CD101: variants seen among roughly 807,000 people sequenced by gnomAD.
CD101 encodes the protein CD101 molecule.
Under a neutral mutation model 98.2 loss-of-function variants are expected in CD101, and 76 were observed. That is an observed-to-expected ratio of 0.77 (90% CI 0.64 to 0.94). The LOEUF (loss-of-function observed/expected upper bound fraction) is 0.94. Ranked by LOEUF, CD101 falls within the 40% of genes least tolerant of loss-of-function variation. CD101 has a pLI of 0.00. For missense variants in CD101, 1,145 were observed against 1,218.8 expected, an observed-to-expected ratio of 0.94 and a Z score of 0.90; for synonymous variants, 471 against 472.7, an observed-to-expected ratio of 1.00 and a Z score of 0.05.
chr1:117,022,390 A>G lies in CD101; in HGVS notation c.2428+407A>G, dbSNP rs1315015882. On this transcript the variant is annotated intron_variant, in intron 7 of 9. Transcript: ENST00000682167. This position sits in a 1 kb window ranked among gnomAD's most constrained non-coding sequence, Gnocchi z 4.8. ...CTGTGAACAGAAACTGTACAACTCTATGGGGATGTGTGGAGAAATTGCTTC... is the reference window on the plus strand; with the variant it reads ...CTGTGAACAGAAACTGTACAACTCTGTGGGGATGTGTGGAGAAATTGCTTC... Among the ~76,000 whole-genome samples, 1 of 152,176 alleles carries G rather than the reference A, an allele frequency of 6.6e-6. No homozygotes were observed. Among genetic ancestry groups the G allele is most frequent in the African/African-American group, 2.4e-5 (1 of 41,448 alleles).
chr1:117,022,011 T>C lies in CD101; in HGVS notation c.2428+28T>C. ...AAACCTTGCGAGTGTATCCTCACAA[T>C]GTCTGTCTGTCTGACGGCTGTTTTC... On this transcript the variant is annotated intron_variant, in intron 7 of 9. Coordinates refer to ENST00000682167, the MANE Select transcript of CD101 (RefSeq NM_001256106.3). This position sits in a 1 kb window ranked among gnomAD's most constrained non-coding sequence, Gnocchi z 4.8. The C allele has an allele frequency of 1.3e-6, 2 of 1,563,022 alleles. No individual in the cohort carries two copies. The highest frequency in any genetic ancestry group is 1.2e-5 in the South Asian group (1 of 81,390).
chr1:117,030,431 G>GAAAGAAAGAA (rs1166757267), intron 8 of CD101, among the ~76,000 whole-genome samples: 2 of 149,540 alleles, frequency 1.3e-5, no homozygotes, highest in Non-Finnish European at 3.0e-5. Context: ...AAGAGACAGA[G>GAAAGAAAGAA]AAAGAAAGAA....
At position 117,017,560 on chromosome 1, in the gene CD101, C is replaced by T. The variant is rs1653314930; in HGVS notation, c.1612+87C>T. 2.8e-5 allele frequency: 38 copies of T among 1,361,162 alleles called. No homozygotes were observed. The South Asian group carries it at 5.0e-4, about 18-fold the overall frequency. The allele number at this position is 1,361,162 out of a possible 1,614,324, so 84.3% of individuals were successfully genotyped here. ...ACTGGATTGCGTGTTATCCTGAATC[C>T]CCCAGTGATGGTATGTGTACCCTAG... On this transcript the variant is annotated intron_variant, in intron 5 of 9. Coordinates refer to ENST00000682167, the MANE Select transcript of CD101 (RefSeq NM_001256106.3).
Position 117,018,080 on chromosome 1 carries a change from C to T in CD101, c.1613-76C>T. 1 of 1,285,390 alleles carries T rather than the reference C, an allele frequency of 7.8e-7. No individual in the cohort carries two copies. The highest frequency in any genetic ancestry group is 1.1e-6 in the Non-Finnish European group (1 of 945,658). The allele number at this position is 1,285,390 out of a possible 1,614,324, so 79.6% of individuals were successfully genotyped here. On this transcript the variant is annotated intron_variant, in intron 5 of 9. Transcript: ENST00000682167. The surrounding 1 kb of genome is among the most constrained non-coding windows in gnomAD (Gnocchi z 4.3). ...TGCATGGTCCTAGTCAAAGAGGTGG[C>T]AACTAGAAAAACTTGAAAGTGCTAT... is the stretch of plus-strand genomic sequence containing the variant.
Position 117,018,626 on chromosome 1 carries a change from T to C in CD101, c.2017+66T>C. ...CAAATAGCAATCCTCCCATTTTGGG[T>C]AAGTTATAACAATAAAACATAAAAT... On this transcript the variant is annotated intron_variant, in intron 6 of 9. Transcript: ENST00000682167. The surrounding 1 kb of genome is among the most constrained non-coding windows in gnomAD (Gnocchi z 4.3). The C allele has an allele frequency of 6.9e-7, 1 of 1,444,718 alleles. No individual in the cohort carries two copies. Among genetic ancestry groups the C allele is most frequent in the Non-Finnish European group, 9.4e-7 (1 of 1,068,540 alleles). The allele number at this position is 1,444,718 out of a possible 1,614,324, so 89.5% of individuals were successfully genotyped here.
chr1:117,010,246 A>G lies in CD101; in HGVS notation c.424+16A>G, dbSNP rs757320654. 2.6e-5 allele frequency: 41 copies of G among 1,592,384 alleles called. No individual in the cohort carries two copies. Among genetic ancestry groups the G allele is most frequent in the Non-Finnish European group, 3.4e-5 (40 of 1,166,146 alleles). Reference sequence around the variant, plus strand: ...AATCTAATTGGTAAGTTGCTTGTCCACTTCTGCTAGCCAGCCCCTGAGAAG... The same window carrying G: ...AATCTAATTGGTAAGTTGCTTGTCCGCTTCTGCTAGCCAGCCCCTGAGAAG... On this transcript the variant is annotated intron_variant, in intron 2 of 9. Coordinates refer to ENST00000682167, the MANE Select transcript of CD101 (RefSeq NM_001256106.3). This position sits in a 1 kb window ranked among gnomAD's most constrained non-coding sequence, Gnocchi z 5.2.
chr1:117,017,408 A>T lies in CD101; in HGVS notation c.1547A>T (p.Lys516Met). ...SGTYECRVSE[K>M]SRNQARDLSW... ...ACATATGAGTGCAGAGTATCTGAGA[A>T]GTCTCGGAACCAGGCCAGAGATCTG... Residue 516 changes from lysine to methionine, a missense_variant, in exon 5 of 10, where the codon AAG becomes ATG. Physicochemically the swap from Lys to Met is moderately conservative, Grantham distance 95. Coordinates refer to ENST00000682167, the MANE Select transcript of CD101 (RefSeq NM_001256106.3). 1 of 1,614,230 alleles carries T rather than the reference A, an allele frequency of 6.2e-7. No homozygotes were observed. The highest frequency in any genetic ancestry group is 1.1e-5 in the South Asian group (1 of 91,088).
At chr1:117,027,949 G>A (rs1206612552) in intron 8 of CD101, among the ~76,000 whole-genome samples, 3 of 152,256 alleles carry the variant, frequency 2.0e-5, no homozygotes, top group East Asian at 1.9e-4. Flanking sequence ...GCCGGGCATG[G>A]TGGCCCATGC....
intron 7 of CD101, among the ~76,000 whole-genome samples, chr1:117,024,393 C>T (rs1005612231): frequency 3.3e-5 from 5 of 152,184 alleles, no homozygotes; most frequent in Admixed American, 6.5e-5. Context: ...AGGATAATCG[C>T]TTGAACCCGG....
intron 8 of CD101, among the ~76,000 whole-genome samples, chr1:117,027,686 C>A (rs1052367603): frequency 1.2e-4 from 19 of 152,044 alleles, no homozygotes; most frequent in Non-Finnish European, 2.5e-4. Flanking sequence ...GAGTATGAAG[C>A]TAAGAAGGAA....
chr1:117,035,958 A>G (rs967933145), intron 9 of CD101, among the ~76,000 whole-genome samples: 1 of 152,222 alleles, frequency 6.6e-6, no homozygotes, highest in East Asian at 1.9e-4. Flanking sequence ...AGAATCTTGG[A>G]TGGACTCTGC....
Position 117,031,049 on chromosome 1 carries a change from T to C in CD101, c.2825-2811T>C, listed in dbSNP as rs543641562. On this transcript the variant is annotated intron_variant, in intron 8 of 9. Transcript: ENST00000682167. ...AAATGCCAAACCTTAATGGTTTGAA[T>C]GTCACTAATTCTAATCCAGATATGG... 4.6e-5 allele frequency among the ~76,000 whole-genome samples: 7 copies of C among 152,376 alleles called. No homozygotes were observed. The East Asian group carries it at 1.3e-3, about 29-fold the overall frequency.
chr1:117,009,372 A>G (rs1652738806), intron 1 of CD101, among the ~76,000 whole-genome samples: 3 of 152,252 alleles, frequency 2.0e-5, no homozygotes, highest in Admixed American at 6.5e-5. Context: ...GATAGTTCCA[A>G]CCAACCAGCT....
rs1652949036 is a variant in CD101 at position 117,012,504 on chromosome 1, T to C, written c.841+538T>C. ...CATGAAGCCTTGTCTTCGTCAGTGC[T>C]GGGGTTTCCTTCCACCTGCCCCCTT... On this transcript the variant is annotated intron_variant, in intron 3 of 9. Coordinates refer to ENST00000682167, the MANE Select transcript of CD101 (RefSeq NM_001256106.3). The surrounding 1 kb of genome is among the most constrained non-coding windows in gnomAD (Gnocchi z 4.0). Among the ~76,000 whole-genome samples, 1 of 152,248 alleles carries C rather than the reference T, an allele frequency of 6.6e-6. No homozygotes were observed. Among genetic ancestry groups the C allele is most frequent in the African/African-American group, 2.4e-5 (1 of 41,470 alleles).
In CD101 at chr1:117,034,054, G is replaced by A. The variant is rs1011572857; in HGVS notation, c.3019G>A (p.Val1007Met). The part of the protein sequence containing the change: ...LWVDLKEAGG[V>M]TTNRREDEEE... ...GGTGGACTTGAAAGAGGCTGGAGGTGTGACCACAAATAGGAGGGAAGACGA... is the reference window on the plus strand; with the variant it reads ...GGTGGACTTGAAAGAGGCTGGAGGTATGACCACAAATAGGAGGGAAGACGA... Residue 1007 changes from valine to methionine, a missense_variant, in exon 9 of 10, where the codon GTG (valine) becomes ATG (methionine). By Grantham distance (21) the Val-to-Met change is conservative. Transcript: ENST00000682167. 1 of 1,614,062 alleles carries A rather than the reference G, an allele frequency of 6.2e-7. No homozygotes were observed. Among genetic ancestry groups the A allele is most frequent in the African/African-American group, 1.3e-5 (1 of 74,912 alleles).
At chr1:117,024,471 C>T (rs12060710) in intron 7 of CD101, among the ~76,000 whole-genome samples, 3,399 of 148,698 alleles carry the variant, frequency 0.023, 115 homozygotes, top group African/African-American at 0.08. Context: ...AGCGAGACTC[C>T]GTCTCAAAAA....
At chr1:117,026,880 A>G (rs2101149584) in intron 8 of CD101, 1 of 152,252 alleles carries the variant, frequency 6.6e-6, no homozygotes, top group Middle Eastern at 3.4e-3. Context: ...ATTAATGTTG[A>G]GGATTTCCAA....
At chr1:117,017,621 A>G (rs1653319780) in intron 5 of CD101, 148 bp downstream of exon 5, 3 of 747,334 alleles carry the variant, frequency 4.0e-6, no homozygotes, top group Non-Finnish European at 6.4e-6. Context: ...CTCTCTGTCA[A>G]TTAATCTTTA....
intron 2 of CD101, 36 bp from the exon 3 acceptor site, chr1:117,011,514 G>A: frequency 2.5e-6 from 4 of 1,581,540 alleles, no homozygotes; most frequent in Non-Finnish European, 3.4e-6. Context: ...GACAAGCACT[G>A]GGCCAGTCAC....
Sources: allele counts gnomAD v4.1 joint callset (sites outside exome capture counted in the v4.1 genomes callset), GRCh38; gene constraint gnomAD v4.1.1; non-coding constraint Gnocchi (gnomAD v3.1); transcripts MANE v1.5; gene names NCBI Gene and HGNC (gene_info 2026-07-23, HGNC 2026-07-21).